TLN2: variants seen among roughly 807,000 people sequenced by gnomAD.
TLN2 encodes talin-2.
TLN2 carries 118 observed loss-of-function variants against 294.7 expected under a neutral mutation model. That is an observed-to-expected ratio of 0.40 (90% confidence interval 0.34 to 0.47). TLN2 has a LOEUF of 0.47. Ranked by LOEUF, TLN2 falls within the 20% of genes least tolerant of loss-of-function variation. The pLI is 0.84. For synonymous variants in TLN2, 1,431 were observed against 1,304.5 expected (o/e 1.10, Z -2.09); for missense variants, 3,083 against 3,282.2 (o/e 0.94, Z 1.48).
At chr15:62,764,120 T>C (rs113409247) in intron 40 of TLN2, among the ~76,000 whole-genome samples, 66 of 152,334 alleles carry the variant, frequency 4.3e-4, no homozygotes, top group African/African-American at 1.5e-3. Context: ...ACGAATGCAT[T>C]TGGTCTGTTC....
At chr15:62,595,878 G>A (rs2046457588) in intron 2 of TLN2, among the ~76,000 whole-genome samples, 1 of 152,152 alleles carries the variant, frequency 6.6e-6, no homozygotes, top group Non-Finnish European at 1.5e-5. Context: ...AGAAAGAGGT[G>A]GTTACCAGTG....
At chr15:62,830,636 T>C in intron 54 of TLN2, 1 of 152,114 alleles carries the variant, frequency 6.6e-6, no homozygotes, top group Admixed American at 6.6e-5. Flanking sequence ...GGCTAGAAGT[T>C]GTATGGTATG....
At chr15:62,406,775 C>T (rs562090947) in intron 1 of TLN2, among the ~76,000 whole-genome samples, 6 of 152,200 alleles carry the variant, frequency 3.9e-5, no homozygotes, top group East Asian at 3.9e-4. Flanking sequence ...AGCCCTGTCT[C>T]CTGCTTCACC....
At chr15:62,627,978 G>GA (rs2049431540) in intron 3 of TLN2, among the ~76,000 whole-genome samples, 1 of 152,092 alleles carries the variant, frequency 6.6e-6, no homozygotes, top group Non-Finnish European at 1.5e-5. Flanking sequence ...TTTCAATAGA[G>GA]AAAATTACAA....
At chr15:62,591,466 G>T (rs769162635) in intron 2 of TLN2, among the ~76,000 whole-genome samples, 10 of 152,206 alleles carry the variant, frequency 6.6e-5, no homozygotes, top group African/African-American at 1.7e-4. Context: ...AGAGAGGTCA[G>T]AGGGCCATAC....
intron 52 of TLN2, among the ~76,000 whole-genome samples, chr15:62,816,819 T>G (rs1368674637): frequency 6.6e-6 from 1 of 152,226 alleles, no homozygotes; most frequent in Non-Finnish European, 1.5e-5. Context: ...GAGCCATAAC[T>G]ATTAATAACC....
chr15:62,777,581 T>C (rs1344515118), intron 43 of TLN2, among the ~76,000 whole-genome samples: 1 of 152,100 alleles, frequency 6.6e-6, no homozygotes. Context: ...AATGGCTATT[T>C]TGGAATCATG....
At chr15:62,802,411 TAC>T (rs60573464) in intron 50 of TLN2, among the ~76,000 whole-genome samples, 17,272 of 149,726 alleles carry the variant, frequency 0.12, 1,146 homozygotes, top group East Asian at 0.19. Context: ...TATACAATGG[TAC>T]ACACACACAC....
chr15:62,671,853 A>G (rs1413031184), intron 9 of TLN2, among the ~76,000 whole-genome samples: 2 of 152,030 alleles, frequency 1.3e-5, no homozygotes, highest in African/African-American at 4.8e-5. Context: ...ATGCTCCCCT[A>G]TTCTTCTTTT....
chr15:62,658,135 T>G (rs1332128954), intron 9 of TLN2: 1 of 336,534 alleles, frequency 3.0e-6, no homozygotes, highest in African/African-American at 2.2e-5. Context: ...CTCCACCCCC[T>G]TTTTTTCCTT....
At chr15:62,425,108 A>C (rs1434594116) in intron 1 of TLN2, among the ~76,000 whole-genome samples, 1 of 150,848 alleles carries the variant, frequency 6.6e-6, no homozygotes, top group African/African-American at 2.4e-5. Context: ...GCCTGCCACC[A>C]TGCCTGGCTA....
chr15:62,418,701 G>A (rs2034219839), intron 1 of TLN2, among the ~76,000 whole-genome samples: 1 of 152,168 alleles, frequency 6.6e-6, no homozygotes, highest in African/African-American at 2.4e-5. Flanking sequence ...TGAGATAGGC[G>A]CTGGAGTTTG....
chr15:62,670,018 A>G (rs1262184479), intron 9 of TLN2, among the ~76,000 whole-genome samples: 2 of 152,086 alleles, frequency 1.3e-5, no homozygotes, highest in African/African-American at 4.8e-5. Context: ...GGTTTGGCGG[A>G]GTTTGAAAGA....
At chr15:62,609,979 A>G (rs953394522) in intron 2 of TLN2, among the ~76,000 whole-genome samples, 7 of 152,230 alleles carry the variant, frequency 4.6e-5, no homozygotes, top group African/African-American at 1.7e-4. Flanking sequence ...CTTTCAATCC[A>G]TCTCCAACAT....
rs113965589 is a variant in TLN2 at position 62,701,224 on chromosome 15, G to A, written c.1696+10G>A. The A allele has an allele frequency of 3.7e-5, 60 of 1,608,246 alleles. No individual in the cohort carries two copies. Among genetic ancestry groups the A allele is most frequent in the Non-Finnish European group, 4.8e-5 (57 of 1,175,956 alleles). On this transcript the variant is annotated intron_variant, in intron 17 of 58. Coordinates refer to ENST00000636159, the MANE Select transcript of TLN2 (RefSeq NM_015059.3). The stretch of plus-strand genomic sequence containing the variant: ...GTTAACCTCACAGCTGGTAAGTCCC[G>A]GAGAGATTTGTGCTGCATTGGGGTT...
intron 10 of TLN2, among the ~76,000 whole-genome samples, chr15:62,674,353 C>G (rs923030816): frequency 6.6e-6 from 1 of 152,142 alleles, no homozygotes; most frequent in African/African-American, 2.4e-5. Flanking sequence ...CCATGAAACA[C>G]TCTAAGGAAT....
chr15:62,604,707 T>C (rs1372550713), intron 2 of TLN2, among the ~76,000 whole-genome samples: 1 of 150,782 alleles, frequency 6.6e-6, no homozygotes, highest in African/African-American at 2.4e-5. Context: ...TTTTTTTTTT[T>C]TTTAATTATT....
intron 5 of TLN2, among the ~76,000 whole-genome samples, chr15:62,651,605 A>G (rs1438909629): frequency 6.6e-6 from 1 of 152,216 alleles, no homozygotes; most frequent in African/African-American, 2.4e-5. Flanking sequence ...TCAAGCCAGT[A>G]GGGGTAGGAG....
In TLN2 at chr15:62,796,226, A is replaced by G. The variant is rs758894635; in HGVS notation, c.5983A>G (p.Thr1995Ala). 3 of 1,614,210 alleles carry G rather than the reference A, an allele frequency of 1.9e-6. No homozygotes were observed. The highest frequency in any genetic ancestry group is 8.5e-7 in the Non-Finnish European group (1 of 1,180,038). Residue 1995 changes from threonine (T) to alanine (A), a missense_variant, in exon 47 of 59, where the codon ACC becomes GCC. Physicochemically the swap from Thr to Ala is moderately conservative, Grantham distance 58. Transcript: ENST00000636159. The stretch of plus-strand genomic sequence containing the variant: ...GTCTGGGATCATTGCCGACCTGGAC[A>G]CCACCATTATGTTTGCAACAGCGGG... ...AVSGIIADLD[T>A]TIMFATAGTL...
Sources: allele counts gnomAD v4.1 joint callset (sites outside exome capture counted in the v4.1 genomes callset), GRCh38; gene constraint gnomAD v4.1.1; transcripts MANE v1.5; gene names NCBI Gene and HGNC (gene_info 2026-07-23, HGNC 2026-07-21).